Variants in NCKAP5 observed in about 807,000 individuals in gnomAD.
NCKAP5 encodes NCK associated protein 5, also known as nck-associated protein 5.
In NCKAP5, 92 loss-of-function variants were observed where a neutral mutation model predicts 167.0. The observed-to-expected ratio is 0.55, with a 90% CI of 0.47 to 0.66. NCKAP5 has a LOEUF of 0.66. NCKAP5 is among the 30% of genes least tolerant of loss of function. The probability of loss-of-function intolerance (pLI) is 0.00; values close to 1 mark genes in which losing one functional copy is unlikely to be tolerated. For synonymous variants in NCKAP5, 891 were observed against 877.4 expected, an observed-to-expected ratio of 1.02 and a Z score of -0.27; for missense variants, 2,378 against 2,315.0, an observed-to-expected ratio of 1.03 and a Z score of -0.56.
At chr2:133,052,718 CAAA>C (rs112451840) in intron 6 of NCKAP5, among the ~76,000 whole-genome samples, 4 of 81,910 alleles carry the variant, frequency 4.9e-5, no homozygotes, top group Non-Finnish European at 8.0e-5. Context: ...AACTCTGTCA[CAAA>C]AAAAAAAAAA....
At chr2:133,125,405 G>T (rs2082372280) in intron 6 of NCKAP5, among the ~76,000 whole-genome samples, 1 of 152,138 alleles carries the variant, frequency 6.6e-6, no homozygotes, top group Non-Finnish European at 1.5e-5. Flanking sequence ...AGGGAAGACA[G>T]TTCCATAGTC....
intron 3 of NCKAP5, among the ~76,000 whole-genome samples, chr2:133,492,144 A>AGTGTGTGTGTGTGTGTGTGTGT (rs371797170): frequency 0.011 from 1,488 of 141,612 alleles, 40 homozygotes; most frequent in East Asian, 0.054. Flanking sequence ...ATATCTAGTT[A>AGTGTGTGTGTGTGTGTGTGTGT]GTGTGTGTGT....
intron 8 of NCKAP5, among the ~76,000 whole-genome samples, chr2:132,939,463 G>A (rs1262725475): frequency 6.6e-6 from 1 of 152,144 alleles, no homozygotes; most frequent in East Asian, 1.9e-4. Context: ...CTAGCCTCCG[G>A]GCTTGAGACT....
rs114386005 is a variant in NCKAP5, at chr2:133,411,489, G to A, written c.69+105969C>T. 1.5e-3 allele frequency among the ~76,000 whole-genome samples: 226 copies of A among 152,274 alleles called. 2 individuals are homozygous for A. The highest frequency in any genetic ancestry group is 5.4e-3 in the African/African-American group (223 of 41,562). ...GCAGGACAAGGAATCACCGATGAGC[G>A]TACACAAGGATAAATACACCATTCA... On this transcript the variant is annotated intron_variant, in intron 3 of 19. Transcript: ENST00000409261.
At chr2:133,422,458 G>A (rs1204382892) in intron 3 of NCKAP5, among the ~76,000 whole-genome samples, 1 of 152,150 alleles carries the variant, frequency 6.6e-6, no homozygotes, top group African/African-American at 2.4e-5. Context: ...GCTACAAATC[G>A]AGGGGGATTC....
At chr2:133,560,264 T>C (rs373938988) in intron 1 of NCKAP5, among the ~76,000 whole-genome samples, 3 of 152,212 alleles carry the variant, frequency 2.0e-5, no homozygotes, top group East Asian at 3.8e-4. Flanking sequence ...TGTATATTCA[T>C]CTATTCACCA....
intron 6 of NCKAP5, among the ~76,000 whole-genome samples, chr2:133,076,457 G>A (rs555321193): frequency 2.2e-4 from 33 of 151,892 alleles, no homozygotes; most frequent in African/African-American, 7.2e-4. Context: ...ACAATCACAC[G>A]ATCCATCCTA....
At chr2:133,062,349 C>T (rs1018348196) in intron 6 of NCKAP5, among the ~76,000 whole-genome samples, 1 of 152,166 alleles carries the variant, frequency 6.6e-6, no homozygotes, top group Non-Finnish European at 1.5e-5. Context: ...GATGAAGCAA[C>T]ACTCTTTGGC....
intron 6 of NCKAP5, among the ~76,000 whole-genome samples, chr2:133,049,757 C>T (rs1380128733): frequency 6.6e-6 from 1 of 152,132 alleles, no homozygotes; most frequent in Non-Finnish European, 1.5e-5. Context: ...GTGCTTGTGA[C>T]TCCAGTGCTC....
At position 132,783,053 on chromosome 2, in the gene NCKAP5, C is replaced by A; in HGVS notation, c.3758G>T (p.Arg1253Ile). Residue 1253 changes from arginine to isoleucine, a missense_variant, in exon 14 of 20, where the codon AGA (arginine) becomes ATA (isoleucine). Arg to Ile is a moderately conservative substitution (Grantham distance 97). Coordinates refer to ENST00000409261, the MANE Select transcript of NCKAP5 (RefSeq NM_207363.3). ...GTGTGGTTTGCTGGAGGAAAGGGAT[C>A]TTCTCATGGATCTATTATCTACCCC... ...RDGVDNRSMR[R>I]SLSSSKPHLK... is the part of the protein sequence containing the mutation. 6.2e-7 allele frequency: 1 copy of A among 1,613,826 alleles called. No homozygotes were observed. The highest frequency in any genetic ancestry group is 8.5e-7 in the Non-Finnish European group (1 of 1,179,846).
chr2:133,030,314 A>C (rs1458487844), intron 6 of NCKAP5, among the ~76,000 whole-genome samples: 2 of 152,188 alleles, frequency 1.3e-5, no homozygotes, highest in East Asian at 3.9e-4. Context: ...CAGTGCCTGC[A>C]AGGGCTGGGC....
intron 3 of NCKAP5, among the ~76,000 whole-genome samples, chr2:133,408,933 G>A (rs1426509207): frequency 6.6e-6 from 1 of 152,202 alleles, no homozygotes; most frequent in African/African-American, 2.4e-5. Flanking sequence ...ACACACAGCA[G>A]GGACCCAGTG....
intron 6 of NCKAP5, among the ~76,000 whole-genome samples, chr2:133,065,748 T>C (rs572220266): frequency 1.3e-5 from 2 of 152,296 alleles, no homozygotes; most frequent in South Asian, 2.1e-4. Flanking sequence ...CTCAGTGCAC[T>C]ATATGGTCCC....
chr2:132,839,641 C>T (rs999007979), intron 11 of NCKAP5, among the ~76,000 whole-genome samples: 2 of 151,420 alleles, frequency 1.3e-5, no homozygotes, highest in Non-Finnish European at 2.9e-5. Context: ...TTTGCCTGTC[C>T]CAGATACTCA....
intron 3 of NCKAP5, among the ~76,000 whole-genome samples, chr2:133,439,417 G>A (rs572165578): frequency 2.6e-5 from 4 of 152,172 alleles, no homozygotes; most frequent in South Asian, 4.2e-4. Context: ...AAAAGATGTC[G>A]GGGGCAACAG....
chr2:132,698,848 C>A lies in NCKAP5; in HGVS notation c.5714-25543G>T, dbSNP rs1380499376. Among the ~76,000 whole-genome samples the A allele has an allele frequency of 3.3e-5, 5 of 151,306 alleles. No individual in the cohort carries two copies. In the South Asian group the frequency reaches 8.3e-4, roughly 25 times the overall value. Reference sequence around the variant, plus strand: ...AACTCTGTCTCAAAAAACAAACAAACAAACAAACAAAAAAAAAAGTGCAAA... The same window carrying A: ...AACTCTGTCTCAAAAAACAAACAAAAAAACAAACAAAAAAAAAAGTGCAAA... On this transcript the variant is annotated intron_variant, in intron 19 of 19. Transcript: ENST00000409261.
chr2:132,725,253 G>C (rs188742026), intron 19 of NCKAP5, among the ~76,000 whole-genome samples: 1 of 152,228 alleles, frequency 6.6e-6, no homozygotes, highest in Non-Finnish European at 1.5e-5. Context: ...ACAGCATGAC[G>C]TTAGCAGAGA....
At chr2:133,420,978 T>C (rs568291026) in intron 3 of NCKAP5, among the ~76,000 whole-genome samples, 3 of 152,190 alleles carry the variant, frequency 2.0e-5, no homozygotes, top group African/African-American at 7.2e-5. Flanking sequence ...ATGTGACTAT[T>C]TAATGATGAG....
chr2:132,836,026 T>C (rs778197718), intron 11 of NCKAP5, among the ~76,000 whole-genome samples: 2 of 152,238 alleles, frequency 1.3e-5, no homozygotes, highest in Admixed American at 6.5e-5. Flanking sequence ...AACTGAGGTA[T>C]AGAAATATTG....
Sources: allele counts gnomAD v4.1 joint callset (sites outside exome capture counted in the v4.1 genomes callset), GRCh38; gene constraint gnomAD v4.1.1; transcripts MANE v1.5; gene names NCBI Gene and HGNC (gene_info 2026-07-23, HGNC 2026-07-21).